The following FAAH2 variants were observed in gnomAD, a reference collection of about 807,000 sequenced individuals.
FAAH2 encodes the protein fatty acid amide hydrolase 2, also known as fatty-acid amide hydrolase 2.
FAAH2 carries 60 observed loss-of-function variants against 36.9 expected under a neutral mutation model. The ratio of observed to expected loss-of-function variants is 1.63; its 90% CI spans 1.32 to 2.02. The LOEUF (loss-of-function observed/expected upper bound fraction) is 2.02, where lower values mean the gene tolerates loss of function less well. Among genes scored for constraint, FAAH2 ranks in the 30% most tolerant of loss-of-function variants. FAAH2 has a pLI of 0.00. For missense variants in FAAH2, 689 were observed against 397.5 expected (o/e 1.73, Z -6.23); for synonymous variants, 214 against 143.8 (o/e 1.49, Z -3.49).
intron 10 of FAAH2, among the ~76,000 whole-genome samples, chrX:57,457,020 C>T (rs1214728424): frequency 9.0e-6 from 1 of 111,657 alleles, no homozygotes; most frequent in Non-Finnish European, 1.9e-5. Context: ...AAGTCAATAT[C>T]CCTGATGAAC....
intron 5 of FAAH2, among the ~76,000 whole-genome samples, chrX:57,351,696 T>C (rs956697118): frequency 2.8e-5 from 3 of 109,081 alleles, no homozygotes; most frequent in East Asian, 2.9e-4. Context: ...TTATGAAAAC[T>C]GTATGCTTAG....
At chrX:57,137,388 A>T in the FAAH2 span, 1 of 746,908 alleles carries the variant, frequency 1.3e-6, no homozygotes, top group Non-Finnish European at 1.6e-6. Flanking sequence ...GCGGCGAGAC[A>T]GGCAAAGAGC....
At chrX:57,395,417 A>T in intron 7 of FAAH2, 3 of 698,065 alleles carry the variant, frequency 4.3e-6, no homozygotes, top group Non-Finnish European at 2.2e-6. Flanking sequence ...CATGGCCTTT[A>T]TTAGTCTGCT....
At chrX:57,146,127 A>G in the FAAH2 span, among the ~76,000 whole-genome samples, 6 of 109,838 alleles carry the variant, frequency 5.5e-5, no homozygotes, top group Non-Finnish European at 9.5e-5. Flanking sequence ...TTTGATGAGA[A>G]TTGCATTACA....
chrX:57,353,090 T>C (rs1001907383), intron 5 of FAAH2, among the ~76,000 whole-genome samples: 6 of 110,261 alleles, frequency 5.4e-5, no homozygotes, highest in African/African-American at 2.0e-4. Context: ...TTTCACAGTA[T>C]TATAAAAAAT....
Position 57,382,874 on chromosome X carries a change from G to A in FAAH2, c.996+1845G>A, listed in dbSNP as rs191126130. 6.7e-4 allele frequency among the ~76,000 whole-genome samples: 75 copies of A among 111,161 alleles called. 1 individual carries two copies. The highest frequency in any genetic ancestry group is 2.0e-3 in the African/African-American group (61 of 30,624). ...CAAAGCCTGGCAGAGACACAACCAA[G>A]AAAGAGAATTTTAGGCCAATAACCC... On this transcript the variant is annotated intron_variant, in intron 7 of 10. Transcript: ENST00000374900.
At chrX:57,354,839 C>T (rs182447372) in intron 5 of FAAH2, among the ~76,000 whole-genome samples, 7 of 110,169 alleles carry the variant, frequency 6.4e-5, no homozygotes, top group Non-Finnish European at 1.1e-4. Flanking sequence ...TATATGTATG[C>T]TTTTTTAAAA....
chrX:57,283,918 A>C (rs1331556531), upstream of FAAH2, among the ~76,000 whole-genome samples: 1 of 111,872 alleles, frequency 8.9e-6, no homozygotes, highest in African/African-American at 3.2e-5. Flanking sequence ...GGCCCAGGTC[A>C]AGAGGCACTG....
Position 57,452,136 on chromosome X carries a change from T to G in FAAH2, c.1423+3418T>G, listed in dbSNP as rs1033799619. ...CTCCCCTCTCCCCACTTTAGGTGTCTGTACTCAAAGATCTCTTGGACCATT... is the reference window on the plus strand; with the variant it reads ...CTCCCCTCTCCCCACTTTAGGTGTCGGTACTCAAAGATCTCTTGGACCATT... On this transcript the variant is annotated intron_variant, in intron 10 of 10. Coordinates refer to ENST00000374900, the MANE Select transcript of FAAH2 (RefSeq NM_174912.4). 1.1e-5 allele frequency: 8 copies of G among 751,434 alleles called. No homozygotes were observed. In the African/African-American group the frequency reaches 1.9e-4, roughly 17 times the overall value. 61.9% of individuals were successfully genotyped at this position (751,434 alleles called of 1,213,427 possible).
chrX:57,235,049 G>A, the FAAH2 span, among the ~76,000 whole-genome samples: 2 of 111,014 alleles, frequency 1.8e-5, no homozygotes, highest in South Asian at 3.9e-4. Context: ...ATGGCCCAGG[G>A]ACTGGGGGCC....
At chrX:57,148,249 T>C in the FAAH2 span, among the ~76,000 whole-genome samples, 1 of 111,694 alleles carries the variant, frequency 9.0e-6, no homozygotes, top group Non-Finnish European at 1.9e-5. Flanking sequence ...ATGCAGGCTC[T>C]TTTTTGGTTC....
chrX:57,469,458 G>A (rs192654596), intron 10 of FAAH2, among the ~76,000 whole-genome samples: 224 of 111,519 alleles, frequency 2.0e-3, no homozygotes, highest in Non-Finnish European at 3.4e-3. Context: ...CCTGATCTCT[G>A]ATGAAACACA....
chrX:57,403,739 G>T (rs2055496795), intron 7 of FAAH2, among the ~76,000 whole-genome samples: 1 of 111,913 alleles, frequency 8.9e-6, no homozygotes, highest in Non-Finnish European at 1.9e-5. Context: ...TACCCATTGT[G>T]TTTTTTTCTC....
intron 5 of FAAH2, among the ~76,000 whole-genome samples, chrX:57,366,613 G>A (rs2054424036): frequency 8.9e-6 from 1 of 112,308 alleles, no homozygotes; most frequent in African/African-American, 3.2e-5. Context: ...GATGAGGGGA[G>A]ACTGTGGGCA....
intron 7 of FAAH2, among the ~76,000 whole-genome samples, chrX:57,428,425 C>T (rs1049511669): frequency 9.0e-6 from 1 of 111,629 alleles, no homozygotes; most frequent in Non-Finnish European, 1.9e-5. Flanking sequence ...AAAGAGCTTG[C>T]ATAGCCAAAA....
At chrX:57,212,715 G>A in the FAAH2 span, among the ~76,000 whole-genome samples, 1 of 111,752 alleles carries the variant, frequency 8.9e-6, no homozygotes, top group Non-Finnish European at 1.9e-5. Context: ...GAAAAATATG[G>A]GACTACATAA....
chrX:57,176,053 G>T, the FAAH2 span, among the ~76,000 whole-genome samples: 1 of 110,974 alleles, frequency 9.0e-6, no homozygotes, highest in African/African-American at 3.3e-5. Context: ...GTGTGCTTTG[G>T]TGATGTCCTT....
chrX:57,172,619 G>C, the FAAH2 span, among the ~76,000 whole-genome samples: 11 of 112,207 alleles, frequency 9.8e-5, no homozygotes, highest in Admixed American at 9.4e-4. Flanking sequence ...TGAATCACAC[G>C]TGGGCTTGGA....
the FAAH2 span, among the ~76,000 whole-genome samples, chrX:57,192,639 G>T: frequency 9.0e-6 from 1 of 111,636 alleles, no homozygotes; most frequent in Non-Finnish European, 1.9e-5. Context: ...CAGCCAGTTT[G>T]TTGAGGGTTT....
Sources: allele counts gnomAD v4.1 joint callset (sites outside exome capture counted in the v4.1 genomes callset), GRCh38; gene constraint gnomAD v4.1.1; transcripts MANE v1.5; gene names NCBI Gene and HGNC (gene_info 2026-07-23, HGNC 2026-07-21).